The following SF3A1 variants were observed in gnomAD, a reference collection of about 807,000 sequenced individuals.
SF3A1 encodes the protein SAP 114.
A neutral mutation model predicts 89.9 loss-of-function variants in SF3A1; 13 were observed. The observed-to-expected ratio is 0.14, with a 90% CI of 0.09 to 0.23. The LOEUF (loss-of-function observed/expected upper bound fraction) is 0.23. Among genes scored for constraint, SF3A1 ranks in the 10% least tolerant of loss-of-function variants. The probability of loss-of-function intolerance (pLI) is 1.00; values close to 1 mark genes in which losing one functional copy is unlikely to be tolerated. For missense variants in SF3A1, 604 were observed against 1,022.1 expected, an observed-to-expected ratio of 0.59 and a Z score of 5.58; for synonymous variants, 405 against 374.4, an observed-to-expected ratio of 1.08 and a Z score of -0.94.
intron 12 of SF3A1, 98 bp from the exon 13 acceptor site, chr22:30,337,278 C>G (rs8141114): frequency 5.0e-6 from 6 of 1,205,762 alleles, no homozygotes; most frequent in Non-Finnish European, 6.9e-6. Context: ...AAGGTTTCCT[C>G]TAGTCAGAGG....
chr22:30,342,953 G>C, intron 4 of SF3A1, 74 bp from the exon 5 acceptor site: 1 of 926,590 alleles, frequency 1.1e-6, no homozygotes, highest in East Asian at 2.4e-5. Flanking sequence ...TCCTGGGCCT[G>C]TGATAAAGCA....
chr22:30,337,695 G>T lies in SF3A1; in HGVS notation c.1946C>A (p.Pro649Gln), dbSNP rs1931113819. The T allele has an allele frequency of 6.5e-6, 5 of 767,798 alleles. No homozygotes were observed. Among genetic ancestry groups the T allele is most frequent in the Non-Finnish European group, 9.9e-6 (5 of 503,396 alleles). The allele number at this position is 767,798 out of a possible 1,614,324, so 47.6% of individuals were successfully genotyped here. A position where few individuals can be genotyped will look rare whatever the true frequency, so the allele number is the denominator to read the frequency against. ...MAPRPPPMIV[P>Q]TAFVPAPPVA... is the part of the protein sequence containing the mutation. ...ATGATGCAAGAGATACTGACCTGTT[G>T]GCACAATCATGGGGGGTGGGCGGGG... Residue 649 changes from proline to glutamine, a missense_variant, in exon 12 of 16, where the codon CCA becomes CAA. Transcript: ENST00000215793.
intron 4 of SF3A1, among the ~76,000 whole-genome samples, chr22:30,343,885 T>C (rs1569172582): frequency 1.3e-5 from 2 of 152,186 alleles, no homozygotes; most frequent in South Asian, 4.1e-4. Context: ...TAAAAGTGAG[T>C]AGAGTTAGGA....
rs369609860 is a variant in SF3A1 at position 30,337,166 on chromosome 22, G to T, written c.1966C>A (p.Pro656Thr). The change falls in exon 13 of 16, where the codon CCA (proline) becomes ACA (threonine). Residue 656 changes from proline (P) to threonine (T), a missense_variant. This residue lies in a region of SF3A1 where 45 missense variants were observed against 41.1 expected (regional missense o/e 1.09). Coordinates refer to ENST00000215793, the MANE Select transcript of SF3A1 (RefSeq NM_005877.6). ...MIVPTAFVPA[P>T]PVAPVPAPAP... ...GGAGCTGGGACAGGTGCCACAGGTG[G>T]AGCAGGCACAAAGGCTGCAAAGACA... 1 of 1,612,060 alleles carries T rather than the reference G, an allele frequency of 6.2e-7. No homozygotes were observed.
intron 9 of SF3A1, among the ~76,000 whole-genome samples, chr22:30,339,949 C>T (rs1171604494): frequency 1.3e-5 from 2 of 152,160 alleles, no homozygotes; most frequent in Admixed American, 1.3e-4. Context: ...CACAGGAAGC[C>T]CTTCCAGCTA....
At chr22:30,345,261 G>C in intron 3 of SF3A1, 71 bp from the exon 4 acceptor site, 16 of 1,412,102 alleles carry the variant, frequency 1.1e-5, no homozygotes, top group Admixed American at 1.8e-5. Flanking sequence ...GAGGGGAGGG[G>C]ACATGGGCAT....
intron 2 of SF3A1, among the ~76,000 whole-genome samples, chr22:30,347,499 AC>A (rs1355715274): frequency 6.6e-6 from 1 of 152,124 alleles, no homozygotes; most frequent in Non-Finnish European, 1.5e-5. Flanking sequence ...CACTGTCTGT[AC>A]CTGGGATGGT....
At chr22:30,337,541 C>G (rs1207062248) in intron 12 of SF3A1, 149 bp downstream of exon 12, 3 of 699,808 alleles carry the variant, frequency 4.3e-6, no homozygotes, top group South Asian at 1.5e-5. Flanking sequence ...TCTAGGGTTG[C>G]GGATCTTTCA....
intron 12 of SF3A1, 152 bp downstream of exon 12, chr22:30,337,538 T>C (rs1279698986): frequency 8.8e-6 from 6 of 679,012 alleles, no homozygotes; most frequent in East Asian, 2.9e-5. Flanking sequence ...AGCTCTAGGG[T>C]TGCGGATCTT....
In SF3A1 at chr22:30,334,609, G is replaced by A. The variant is rs753505234; in HGVS notation, c.2367C>T (p.Gly789=). 2.6e-5 allele frequency: 41 copies of A among 1,564,208 alleles called. No homozygotes were observed. The highest frequency in any genetic ancestry group is 3.1e-5 in the Non-Finnish European group (36 of 1,161,382). ...AVIHLALKER[G]GRKK is the part of the protein sequence containing the mutation. ...TTCCTCTTGTCTACTTCTTCCTCCC[G>A]CCTCTCTCCTTGAGGGCCAGGTGGA... Residue 789 remains glycine (G), a synonymous_variant, in exon 16 of 16, where the codon GGC becomes GGT. Coordinates refer to ENST00000215793, the MANE Select transcript of SF3A1 (RefSeq NM_005877.6).
At chr22:30,340,878 G>A (rs1931230338) in intron 7 of SF3A1, 66 bp from the exon 8 acceptor site, 2 of 937,298 alleles carry the variant, frequency 2.1e-6, no homozygotes, top group Admixed American at 2.3e-5. Flanking sequence ...GCTGAGCCTG[G>A]CAGGTCTCTG....
chr22:30,354,757 G>T (rs541019078), intron 1 of SF3A1, among the ~76,000 whole-genome samples: 45 of 152,228 alleles, frequency 3.0e-4, no homozygotes, highest in African/African-American at 9.4e-4. Flanking sequence ...TTCCACACTC[G>T]ATGATAATAA....
rs896689707 is a variant in SF3A1, at chr22:30,350,322, T to TA, written c.185+2628dup. On this transcript the variant is annotated intron_variant, in intron 2 of 15. Coordinates refer to ENST00000215793, the MANE Select transcript of SF3A1 (RefSeq NM_005877.6). ...AAAAAACTAAAAAAAATAAAAAAAATAAAAAAAAAATTAGCTGGGTGTGGT... is the reference window on the plus strand; with the variant it reads ...AAAAAACTAAAAAAAATAAAAAAAATAAAAAAAAAAATTAGCTGGGTGTGGT... Among the ~76,000 whole-genome samples, 28 of 139,410 alleles carry TA rather than the reference T, an allele frequency of 2.0e-4. No homozygotes were observed. The South Asian group carries it at 2.5e-3, about 12-fold the overall frequency. 91.5% of individuals were successfully genotyped at this position (139,410 alleles called of 152,430 possible).
intron 1 of SF3A1, among the ~76,000 whole-genome samples, chr22:30,354,519 G>A (rs1463313191): frequency 1.3e-5 from 2 of 151,898 alleles, no homozygotes; most frequent in East Asian, 1.9e-4. Context: ...CACTCCCACC[G>A]CCCAATTCTG....
chr22:30,335,328 T>C, intron 15 of SF3A1, 139 bp downstream of exon 15: 1 of 753,750 alleles, frequency 1.3e-6, no homozygotes, highest in East Asian at 2.5e-5. Context: ...CCAGCCAGCA[T>C]CATGACTTCT....
At chr22:30,339,362 AG>A (rs1569170935) in intron 9 of SF3A1, 111 bp from the exon 10 acceptor site, 1 of 1,306,218 alleles carries the variant, frequency 7.7e-7, no homozygotes, top group African/African-American at 1.5e-5. Context: ...CCATGGGATG[AG>A]GGTGACTCAG....
chr22:30,341,168 T>C (rs1259176295), intron 7 of SF3A1, among the ~76,000 whole-genome samples: 1 of 152,106 alleles, frequency 6.6e-6, no homozygotes, highest in Non-Finnish European at 1.5e-5. Context: ...ACAGCAATGC[T>C]GGGAGGGAGA....
intron 1 of SF3A1, 49 bp downstream of exon 1, chr22:30,356,681 C>T: frequency 7.3e-7 from 1 of 1,362,624 alleles, no homozygotes; most frequent in South Asian, 1.5e-5. Context: ...GAGTAAGGAG[C>T]GCCCAGGCCA....
chr22:30,335,765 G>A lies in SF3A1; in HGVS notation c.2107-12C>T, dbSNP rs759124188. 1.2e-6 allele frequency: 2 copies of A among 1,610,604 alleles called. No homozygotes were observed. The highest frequency in any genetic ancestry group is 1.7e-6 in the Non-Finnish European group (2 of 1,176,900). On this transcript the variant is annotated splice_polypyrimidine_tract_variant and intron_variant, in intron 13 of 15. Coordinates refer to ENST00000215793, the MANE Select transcript of SF3A1 (RefSeq NM_005877.6). ...ATGGACACTGGACCCTACAAAACAGGAGGTGGTCATTATGCCTAGGGAGCT... is the reference window on the plus strand; with the variant it reads ...ATGGACACTGGACCCTACAAAACAGAAGGTGGTCATTATGCCTAGGGAGCT...
Sources: allele counts gnomAD v4.1 joint callset (sites outside exome capture counted in the v4.1 genomes callset), GRCh38; gene constraint gnomAD v4.1.1; regional missense constraint gnomAD v4.1.1; transcripts MANE v1.5; gene names NCBI Gene and HGNC (gene_info 2026-07-23, HGNC 2026-07-21).